LHX2: variants seen among roughly 807,000 people sequenced by gnomAD.
The protein encoded by LHX2 is LIM/homeobox protein Lhx2.
A neutral mutation model predicts 33.0 loss-of-function variants in LHX2; 6 were observed. The observed-to-expected ratio is 0.18, with a 90% confidence interval of 0.10 to 0.36. LHX2 has a LOEUF of 0.36. LHX2 is among the 10% of genes least tolerant of loss of function. The pLI is 1.00. For synonymous variants in LHX2, 292 were observed against 253.1 expected (o/e 1.15, Z -1.46); for missense variants, 442 against 586.2 (o/e 0.75, Z 2.54).
chr9:124,012,561 G>T lies in LHX2; in HGVS notation c.120+93G>T. The T allele has an allele frequency of 7.4e-7, 1 of 1,353,096 alleles. No individual in the cohort carries two copies. Among genetic ancestry groups the T allele is most frequent in the Non-Finnish European group, 9.6e-7 (1 of 1,040,064 alleles). 83.8% of individuals were successfully genotyped at this position (1,353,096 alleles called of 1,614,324 possible). A position where few individuals can be genotyped will look rare whatever the true frequency, so the allele number is the denominator to read the frequency against. ...CCCCGAAGTTTGGGGAGCGTCCTTC[G>T]TGCCGCACGGGACTGGGTGCTGGGG... On this transcript the variant is annotated intron_variant, in intron 1 of 4. Transcript: ENST00000373615. This position sits in a 1 kb window ranked among gnomAD's most constrained non-coding sequence, Gnocchi z 4.3.
chr9:124,013,787 G>A (rs1024472227), intron 1 of LHX2, among the ~76,000 whole-genome samples, 174 bp from the exon 2 acceptor site: 3 of 152,218 alleles, frequency 2.0e-5, no homozygotes, highest in African/African-American at 7.2e-5. Context: ...GAACCGCCCA[G>A]AAATGGAAAT....
In LHX2 at chr9:124,016,972, T is replaced by C. The variant is rs1859202319; in HGVS notation, c.727+1447T>C. 6.6e-6 allele frequency among the ~76,000 whole-genome samples: 1 copy of C among 152,160 alleles called. No individual in the cohort carries two copies. The highest frequency in any genetic ancestry group is 2.4e-5 in the African/African-American group (1 of 41,440). On this transcript the variant is annotated intron_variant, in intron 3 of 4. Coordinates refer to ENST00000373615, the MANE Select transcript of LHX2 (RefSeq NM_004789.4). This position sits in a 1 kb window ranked among gnomAD's most constrained non-coding sequence, Gnocchi z 4.4. Reference sequence around the variant, plus strand: ...TCGCGGGGCTCGGCTCCAGGGCACCTGGTGGCTGGGGAGCTGTATTGTTTT... The same window carrying C: ...TCGCGGGGCTCGGCTCCAGGGCACCCGGTGGCTGGGGAGCTGTATTGTTTT...
At chr9:124,023,094 C>G (rs543200206) in intron 4 of LHX2, among the ~76,000 whole-genome samples, 316 of 152,316 alleles carry the variant, frequency 2.1e-3, no homozygotes, top group Admixed American at 6.3e-3. Flanking sequence ...CAAGGACCCT[C>G]TTTGGCGTCC....
In LHX2 at chr9:124,012,722, C is replaced by T. The variant is rs1415569337; in HGVS notation, c.120+254C>T. On this transcript the variant is annotated intron_variant, in intron 1 of 4. Coordinates refer to ENST00000373615, the MANE Select transcript of LHX2 (RefSeq NM_004789.4). The surrounding 1 kb of genome is among the most constrained non-coding windows in gnomAD (Gnocchi z 4.3). ...GAGAGCGTTTCTTCCGAACTGGAAG[C>T]GAAGTCCCATCCGCGGCCCGGGGCG... is the stretch of plus-strand genomic sequence containing the variant. Among the ~76,000 whole-genome samples the T allele has an allele frequency of 6.6e-6, 1 of 152,224 alleles. No homozygotes were observed. The highest frequency in any genetic ancestry group is 1.5e-5 in the Non-Finnish European group (1 of 68,032).
chr9:124,017,988 G>T (rs1859223048), intron 3 of LHX2, among the ~76,000 whole-genome samples: 1 of 151,820 alleles, frequency 6.6e-6, no homozygotes, highest in African/African-American at 2.4e-5. Flanking sequence ...GCGCGCCGCG[G>T]CCGCGGGAGT....
rs1859112741 is a variant in LHX2, at chr9:124,012,619, CG to C, written c.120+153del. On this transcript the variant is annotated intron_variant, in intron 1 of 4. Coordinates refer to ENST00000373615, the MANE Select transcript of LHX2 (RefSeq NM_004789.4). The surrounding 1 kb of genome is among the most constrained non-coding windows in gnomAD (Gnocchi z 4.3). ...GTCAGAATGCAAGGCCGGTGGCTCCCGGTTCGGGGGAAACCCGGCTGCTGGG... is the reference window on the plus strand; with the variant it reads ...GTCAGAATGCAAGGCCGGTGGCTCCCGTTCGGGGGAAACCCGGCTGCTGGG... The C allele has an allele frequency of 9.9e-7, 1 of 1,014,668 alleles. No homozygotes were observed. Among genetic ancestry groups the C allele is most frequent in the African/African-American group, 1.7e-5 (1 of 59,120 alleles). The allele number at this position is 1,014,668 out of a possible 1,614,324, so 62.9% of individuals were successfully genotyped here. A position where few individuals can be genotyped will look rare whatever the true frequency, so the allele number is the denominator to read the frequency against.
chr9:124,024,405 G>A (rs1459457309), intron 4 of LHX2, among the ~76,000 whole-genome samples: 1 of 152,274 alleles, frequency 6.6e-6, no homozygotes, highest in Non-Finnish European at 1.5e-5. Context: ...TGCTGATGGG[G>A]AATCTGGCAG....
intron 4 of LHX2, among the ~76,000 whole-genome samples, chr9:124,027,707 A>G (rs1239952852): frequency 6.6e-6 from 1 of 152,120 alleles, no homozygotes; most frequent in African/African-American, 2.4e-5. Context: ...ATTCCCAGCT[A>G]CTTGGGAGGC....
chr9:124,024,865 C>A (rs2118772598), intron 4 of LHX2, among the ~76,000 whole-genome samples: 1 of 152,282 alleles, frequency 6.6e-6, no homozygotes, highest in South Asian at 2.1e-4. Flanking sequence ...TCAGATTGGT[C>A]TGAAATTTCC....
Position 124,015,069 on chromosome 9 carries a change from G to A in LHX2, c.324-53G>A, listed in dbSNP as rs767238380. On this transcript the variant is annotated intron_variant, in intron 2 of 4. Coordinates refer to ENST00000373615, the MANE Select transcript of LHX2 (RefSeq NM_004789.4). This position sits in a 1 kb window ranked among gnomAD's most constrained non-coding sequence, Gnocchi z 7.9. ...AGCAGCGGCACCTGGAGGAGGAAAA[G>A]GGGGGTACCCAACCGTGTGTTCCCA... 137 of 1,589,684 alleles carry A rather than the reference G, an allele frequency of 8.6e-5. No homozygotes were observed. The highest frequency in any genetic ancestry group is 1.1e-4 in the Non-Finnish European group (125 of 1,171,334).
Position 124,026,530 on chromosome 9 carries a change from G to A in LHX2, c.933+5226G>A, listed in dbSNP as rs79213292. Among the ~76,000 whole-genome samples the A allele has an allele frequency of 1.0e-2, 1,518 of 152,046 alleles. 34 individuals are homozygous for A. Among genetic ancestry groups the A allele is most frequent in the African/African-American group, 0.034 (1,418 of 41,466 alleles). ...CCACCCAGAGGGCATGTGGAGCAAG[G>A]TGTGGGATAAACAATTGACAAGGTG... On this transcript the variant is annotated intron_variant, in intron 4 of 4. Transcript: ENST00000373615.
At chr9:124,013,544 G>A (rs1396257165) in intron 1 of LHX2, among the ~76,000 whole-genome samples, 1 of 152,262 alleles carries the variant, frequency 6.6e-6, no homozygotes, top group Non-Finnish European at 1.5e-5. Context: ...TGTGTGGAGG[G>A]TGACTTAATG....
intron 4 of LHX2, among the ~76,000 whole-genome samples, chr9:124,028,619 C>G (rs561116111): frequency 6.6e-6 from 1 of 152,344 alleles, no homozygotes; most frequent in Admixed American, 6.5e-5. Context: ...GCTCTTTCCA[C>G]TGCACTATAG....
At chr9:124,020,534 G>A (rs1227031763) in intron 3 of LHX2, among the ~76,000 whole-genome samples, 1 of 152,134 alleles carries the variant, frequency 6.6e-6, no homozygotes, top group Non-Finnish European at 1.5e-5. Flanking sequence ...CCCAGACACG[G>A]TAGGGGGAGA....
Position 124,014,971 on chromosome 9 carries a change from A to G in LHX2, c.324-151A>G, listed in dbSNP as rs1859158466. 72 of 776,890 alleles carry G rather than the reference A, an allele frequency of 9.3e-5. 3 individuals are homozygous for G. Among genetic ancestry groups the G allele is most frequent in the South Asian group, 7.8e-4 (44 of 56,378 alleles). The allele number at this position is 776,890 out of a possible 1,614,324, so 48.1% of individuals were successfully genotyped here. ...CAGGACCAGGCCTGGGTCAAAATCT[A>G]GTTCTCTCTCCCCCCCATCCTCCAA... is the stretch of plus-strand genomic sequence containing the variant. On this transcript the variant is annotated intron_variant, in intron 2 of 4. Transcript: ENST00000373615. This position sits in a 1 kb window ranked among gnomAD's most constrained non-coding sequence, Gnocchi z 4.8.
In LHX2 at chr9:124,015,173, G is replaced by C; in HGVS notation, c.375G>C (p.Ser125=). 1.9e-6 allele frequency: 3 copies of C among 1,613,918 alleles called. No individual in the cohort carries two copies. Among genetic ancestry groups the C allele is most frequent in the South Asian group, 2.2e-5 (2 of 91,088 alleles). Residue 125 remains serine, a synonymous_variant, in exon 3 of 5, where the codon TCG becomes TCC. Coordinates refer to ENST00000373615, the MANE Select transcript of LHX2 (RefSeq NM_004789.4). This position sits in a 1 kb window ranked among gnomAD's most constrained non-coding sequence, Gnocchi z 7.9. ...CARCHLGISA[S]EMVMRARDLV... ...GCTGCCACCTGGGCATCTCGGCCTC[G>C]GAGATGGTGATGCGCGCTCGGGACT...
At chr9:124,029,140 CAATA>C (rs985031574) in intron 4 of LHX2, among the ~76,000 whole-genome samples, 4 of 151,008 alleles carry the variant, frequency 2.6e-5, no homozygotes, top group African/African-American at 7.4e-5. Flanking sequence ...TAATAATAGT[CAATA>C]AATAAATCTA....
rs936118450 is a variant in LHX2 at position 124,013,890 on chromosome 9, C to T, written c.121-71C>T. 2.5e-5 allele frequency: 37 copies of T among 1,456,500 alleles called. No individual in the cohort carries two copies. In the South Asian group the frequency reaches 3.9e-4, roughly 15 times the overall value. 90.2% of individuals were successfully genotyped at this position (1,456,500 alleles called of 1,614,324 possible). On this transcript the variant is annotated intron_variant, in intron 1 of 4. Transcript: ENST00000373615. ...AGGCCACAGAGGGAGTTGTGGGTGC[C>T]GGTTTCCCGGCGGCGGAGGGGCCGC...
intron 4 of LHX2, among the ~76,000 whole-genome samples, chr9:124,027,073 CAGAG>C (rs1828636378): frequency 6.6e-6 from 1 of 152,164 alleles, no homozygotes; most frequent in Non-Finnish European, 1.5e-5. Context: ...AATCAAGACT[CAGAG>C]AGGTGGAGTG....
Sources: gnomAD v4.1 joint callset for allele counts (sites outside exome capture counted in the v4.1 genomes callset) on GRCh38, gnomAD v4.1.1 for gene constraint, Gnocchi (gnomAD v3.1) non-coding constraint, MANE v1.5 for transcripts, NCBI Gene and HGNC (gene_info 2026-07-23, HGNC 2026-07-21) for gene names.